WWOX: variants seen among roughly 807,000 people sequenced by gnomAD.
The protein encoded by WWOX is WW domain-containing oxidoreductase.
In WWOX, 69 loss-of-function variants were observed where a neutral mutation model predicts 46.2. The ratio of observed to expected loss-of-function variants is 1.49; its 90% CI spans 1.23 to 1.82. The LOEUF is 1.82. Among genes scored for constraint, WWOX ranks in the 40% most tolerant of loss-of-function variants. The probability of loss-of-function intolerance (pLI) is 0.00; values close to 1 mark genes in which losing one functional copy is unlikely to be tolerated. For synonymous variants in WWOX, 359 were observed against 202.6 expected, an observed-to-expected ratio of 1.77 and a Z score of -6.56; for missense variants, 919 against 542.6, an observed-to-expected ratio of 1.69 and a Z score of -6.89.
intron 8 of WWOX, among the ~76,000 whole-genome samples, chr16:79,083,728 T>A (rs554650414): frequency 6.6e-6 from 1 of 152,308 alleles, no homozygotes; most frequent in African/African-American, 2.4e-5. Flanking sequence ...CTGAATTTGC[T>A]TCAAAGTTTT....
In WWOX at chr16:78,386,901, G is replaced by C. The variant is rs1464156122; in HGVS notation, c.558G>C (p.Leu186=). ...KVEAMTLDLA[L]LRSVQHFAEA... The stretch of plus-strand genomic sequence containing the variant: ...AAGCAATGACCCTGGACCTCGCTCT[G>C]CTCCGTAGCGTGCAGCATTTTGCTG... Residue 186 remains leucine, a synonymous_variant, in exon 6 of 9, where the codon CTG becomes CTC. Coordinates refer to ENST00000566780, the MANE Select transcript of WWOX (RefSeq NM_016373.4). 6.2e-7 allele frequency: 1 copy of C among 1,613,988 alleles called. No homozygotes were observed. The highest frequency in any genetic ancestry group is 1.3e-5 in the African/African-American group (1 of 74,906).
chr16:78,755,811 A>T (rs1434883271), intron 8 of WWOX, among the ~76,000 whole-genome samples: 1 of 152,224 alleles, frequency 6.6e-6, no homozygotes, highest in African/African-American at 2.4e-5. Flanking sequence ...CACTTTCGCC[A>T]TTTAATAGCT....
At chr16:78,216,670 A>C (rs1457899107) in intron 5 of WWOX, among the ~76,000 whole-genome samples, 2 of 142,294 alleles carry the variant, frequency 1.4e-5, no homozygotes, top group South Asian at 4.6e-4. Flanking sequence ...TTTTTTTTCT[A>C]CCTTTAGGGA....
chr16:78,322,351 T>C (rs550546410), intron 5 of WWOX, among the ~76,000 whole-genome samples: 6 of 152,348 alleles, frequency 3.9e-5, no homozygotes, highest in South Asian at 2.1e-4. Flanking sequence ...TGCATTGTTA[T>C]GTATTTCTGA....
chr16:78,950,339 G>C (rs1291267912), intron 8 of WWOX, among the ~76,000 whole-genome samples: 1 of 152,172 alleles, frequency 6.6e-6, no homozygotes, highest in African/African-American at 2.4e-5. Flanking sequence ...GAAAGGAGAA[G>C]TTGAGTACTT....
At chr16:78,550,691 G>A (rs529165091) in intron 8 of WWOX, 1 of 152,176 alleles carries the variant, frequency 6.6e-6, no homozygotes, top group Non-Finnish European at 1.5e-5. Flanking sequence ...TTACTCCTGG[G>A]CTGTGCTGGG....
chr16:78,851,119 G>T (rs895531966), intron 8 of WWOX, among the ~76,000 whole-genome samples: 21 of 152,146 alleles, frequency 1.4e-4, no homozygotes, highest in African/African-American at 5.1e-4. Context: ...TATTTACCTT[G>T]ATGAGTTCAT....
chr16:78,546,023 T>G (rs2151534753), intron 8 of WWOX, among the ~76,000 whole-genome samples: 1 of 152,274 alleles, frequency 6.6e-6, no homozygotes, highest in Admixed American at 6.5e-5. Context: ...GGACGCAGTT[T>G]AGTCTGTAAC....
At chr16:78,386,543 GGATGCA>G (rs1258618863) in intron 5 of WWOX, among the ~76,000 whole-genome samples, 1 of 152,078 alleles carries the variant, frequency 6.6e-6, no homozygotes, top group Admixed American at 6.6e-5. Context: ...CAGCGTTTTA[GGATGCA>G]GATTGAGAGG....
At chr16:78,561,981 C>CAA (rs386385172) in intron 8 of WWOX, among the ~76,000 whole-genome samples, 39 of 152,060 alleles carry the variant, frequency 2.6e-4, no homozygotes, top group African/African-American at 9.2e-4. Flanking sequence ...ACCAACCTAA[C>CAA]AATGGGTTGA....
At chr16:78,361,270 A>C (rs751334833) in intron 5 of WWOX, among the ~76,000 whole-genome samples, 1 of 152,182 alleles carries the variant, frequency 6.6e-6, no homozygotes, top group Non-Finnish European at 1.5e-5. Context: ...CTTTCTTAGT[A>C]TATTATCTCA....
chr16:78,865,225 G>T (rs968383016), intron 8 of WWOX, among the ~76,000 whole-genome samples: 2 of 151,910 alleles, frequency 1.3e-5, no homozygotes, highest in Non-Finnish European at 2.9e-5. Flanking sequence ...GATGCGATCA[G>T]TTTTTTTTCC....
At chr16:78,854,870 C>G (rs1167965068) in intron 8 of WWOX, among the ~76,000 whole-genome samples, 1 of 151,808 alleles carries the variant, frequency 6.6e-6, no homozygotes, top group African/African-American at 2.4e-5. Flanking sequence ...GCCTGAGCCA[C>G]CGCGCCAGCT....
At chr16:78,944,401 A>G (rs1469462570) in intron 8 of WWOX, among the ~76,000 whole-genome samples, 4 of 152,182 alleles carry the variant, frequency 2.6e-5, no homozygotes, top group East Asian at 1.9e-4. Flanking sequence ...CGTTTGTTGC[A>G]TCAGTTGAAT....
At position 78,633,197 on chromosome 16, in the gene WWOX, G is replaced by A. The variant is rs562759879; in HGVS notation, c.1056+200445G>A. Reference sequence around the variant, plus strand: ...GAATCGCTTGAGCCTGGGAGGCAGAGGTTGCAGTGAGCTGAGATCGTGCCA... The same window carrying A: ...GAATCGCTTGAGCCTGGGAGGCAGAAGTTGCAGTGAGCTGAGATCGTGCCA... On this transcript the variant is annotated intron_variant, in intron 8 of 8. Coordinates refer to ENST00000566780, the MANE Select transcript of WWOX (RefSeq NM_016373.4). Among the ~76,000 whole-genome samples, 20 of 152,264 alleles carry A rather than the reference G, an allele frequency of 1.3e-4. No homozygotes were observed. In the South Asian group the frequency reaches 3.7e-3, roughly 28 times the overall value.
At chr16:78,733,071 T>G (rs1474444446) in intron 8 of WWOX, among the ~76,000 whole-genome samples, 1 of 152,202 alleles carries the variant, frequency 6.6e-6, no homozygotes, top group Non-Finnish European at 1.5e-5. Context: ...AAAACCATGT[T>G]CCCCAAACTT....
intron 8 of WWOX, among the ~76,000 whole-genome samples, chr16:78,996,669 A>T (rs962001860): frequency 2.6e-5 from 4 of 152,016 alleles, no homozygotes; most frequent in Non-Finnish European, 4.4e-5. Flanking sequence ...TCCCCCCAAA[A>T]TGTGGGGACA....
chr16:79,205,285 C>T (rs890140746), intron 8 of WWOX: 1 of 152,204 alleles, frequency 6.6e-6, no homozygotes. Context: ...CCATCAAGCC[C>T]CTGTCATAGA....
At chr16:78,242,090 C>A (rs1415006780) in intron 5 of WWOX, among the ~76,000 whole-genome samples, 2 of 152,208 alleles carry the variant, frequency 1.3e-5, no homozygotes, top group African/African-American at 4.8e-5. Flanking sequence ...TGCCGCCCTG[C>A]AGACTTGAAG....
Sources: gnomAD v4.1 joint callset for allele counts (sites outside exome capture counted in the v4.1 genomes callset) on GRCh38, gnomAD v4.1.1 for gene constraint, MANE v1.5 for transcripts, NCBI Gene and HGNC (gene_info 2026-07-23, HGNC 2026-07-21) for gene names.